Variants in TMEM245 observed in about 807,000 individuals in gnomAD.
TMEM245 encodes the protein protein CG-2.
In TMEM245, 69 loss-of-function variants were observed where a neutral mutation model predicts 101.2. The ratio of observed to expected loss-of-function variants is 0.68; its 90% CI spans 0.56 to 0.83. The LOEUF is 0.83. TMEM245 is among the 40% of genes least tolerant of loss of function. TMEM245 has a pLI of 0.00. For synonymous variants in TMEM245, 537 were observed against 449.8 expected (o/e 1.19, Z -2.45); for missense variants, 1,075 against 1,092.8 (o/e 0.98, Z 0.23).
chr9:109,112,396 CCA>C (rs1476130142), intron 1 of TMEM245, among the ~76,000 whole-genome samples: 2 of 151,764 alleles, frequency 1.3e-5, no homozygotes, highest in African/African-American at 4.8e-5. Flanking sequence ...CAAAAATTAA[CCA>C]GGTATGGTAG....
At chr9:109,064,630 T>G (rs553275433) in intron 9 of TMEM245, 63 bp from the exon 10 acceptor site, 2 of 1,383,660 alleles carry the variant, frequency 1.4e-6, no homozygotes, top group Non-Finnish European at 2.0e-6. Flanking sequence ...CCAATAATGC[T>G]TTGAACTTGA....
intron 14 of TMEM245, chr9:109,042,295 A>G (rs1197792775): frequency 1.3e-5 from 2 of 152,126 alleles, no homozygotes; most frequent in Admixed American, 1.3e-4. Flanking sequence ...TTTTTATCTT[A>G]TAATTCAGAA....
At chr9:109,056,282 CAT>C (rs1828832856) in intron 12 of TMEM245, among the ~76,000 whole-genome samples, 1 of 151,810 alleles carries the variant, frequency 6.6e-6, no homozygotes, top group Non-Finnish European at 1.5e-5. Context: ...CAGTTATGGT[CAT>C]GTATTACTTT....
intron 14 of TMEM245, chr9:109,038,576 C>T (rs1342364761): frequency 2.0e-5 from 3 of 152,804 alleles, no homozygotes; most frequent in African/African-American, 7.2e-5. Flanking sequence ...GATAGTGTAA[C>T]TTGTATTTCA....
intron 10 of TMEM245, among the ~76,000 whole-genome samples, chr9:109,061,115 A>G (rs1404638617): frequency 6.6e-6 from 1 of 152,200 alleles, no homozygotes; most frequent in East Asian, 1.9e-4. Flanking sequence ...CAGGAGTTTG[A>G]GATCAGCCTG....
chr9:109,025,389 T>C (rs968735867), intron 17 of TMEM245, among the ~76,000 whole-genome samples: 1 of 152,192 alleles, frequency 6.6e-6, no homozygotes, highest in African/African-American at 2.4e-5. Context: ...TTTTTGATTG[T>C]ACTTTCGGTA....
chr9:109,051,175 C>T (rs972667303), intron 12 of TMEM245, among the ~76,000 whole-genome samples: 1 of 151,662 alleles, frequency 6.6e-6, no homozygotes, highest in Non-Finnish European at 1.5e-5. Flanking sequence ...GCTTGTAATC[C>T]CAGCTACCTG....
intron 15 of TMEM245, among the ~76,000 whole-genome samples, chr9:109,036,682 C>A (rs757583191): frequency 6.6e-6 from 1 of 152,126 alleles, no homozygotes; most frequent in Non-Finnish European, 1.5e-5. Context: ...AGTTAATATA[C>A]GGTCCTATAA....
At chr9:109,083,111 CA>C (rs200430625) in intron 7 of TMEM245, among the ~76,000 whole-genome samples, 20 of 135,082 alleles carry the variant, frequency 1.5e-4, no homozygotes, top group East Asian at 2.1e-4. Context: ...GAAGGTCAAG[CA>C]AAAAAAAAAT....
intron 1 of TMEM245, among the ~76,000 whole-genome samples, chr9:109,114,784 A>T (rs1830667917): frequency 6.6e-6 from 1 of 152,190 alleles, no homozygotes; most frequent in Non-Finnish European, 1.5e-5. Flanking sequence ...TTTCAAATTT[A>T]CCTTGCACAG....
chr9:109,081,060 A>G (rs1829653570), intron 7 of TMEM245, 117 bp from the exon 8 acceptor site: 9 of 658,066 alleles, frequency 1.4e-5, no homozygotes, highest in African/African-American at 1.8e-5. Context: ...AAATTATGGC[A>G]TAATAATTAA....
At chr9:109,119,292 G>A in intron 1 of TMEM245, 43 bp downstream of exon 1, 1 of 1,504,488 alleles carries the variant, frequency 6.6e-7, no homozygotes, top group Non-Finnish European at 8.8e-7. Flanking sequence ...CCAGAGCGCC[G>A]GGACCACGGG....
Position 109,119,421 on chromosome 9 carries a change from G to T in TMEM245, c.493C>A (p.Leu165Ile). 1 of 1,524,702 alleles carries T rather than the reference G, an allele frequency of 6.6e-7. No individual in the cohort carries two copies. The allele number at this position is 1,524,702 out of a possible 1,614,324, so 94.4% of individuals were successfully genotyped here. ...GGPLLYGLYCLGSYLGVQVLL... is the reference protein window; with the variant it reads ...GGPLLYGLYCIGSYLGVQVLL... ...ACCTGCACGCCCAAGTAGCTGCCGA[G>T]GCAGTAGAGGCCGTACAGGAGCGGG... is the stretch of plus-strand genomic sequence containing the variant. The change falls in exon 1 of 18, where the codon CTC (leucine) becomes ATC (isoleucine). Residue 165 changes from leucine to isoleucine, a missense_variant. This residue lies in a region of TMEM245 where 808 missense variants were observed against 741.5 expected (regional missense o/e 1.09). Transcript: ENST00000374586.
intron 1 of TMEM245, among the ~76,000 whole-genome samples, chr9:109,118,859 C>T (rs1830804703): frequency 6.6e-6 from 1 of 152,182 alleles, no homozygotes; most frequent in Non-Finnish European, 1.5e-5. Flanking sequence ...CTCTTTGTCC[C>T]TAAGTAGCCC....
chr9:109,084,202 T>C (rs1005540255), intron 7 of TMEM245, among the ~76,000 whole-genome samples: 1 of 152,154 alleles, frequency 6.6e-6, no homozygotes, highest in Admixed American at 6.5e-5. Flanking sequence ...CCTAATTCAC[T>C]CCACTTGAAA....
intron 11 of TMEM245, among the ~76,000 whole-genome samples, chr9:109,059,908 TG>T (rs1176334255): frequency 6.8e-6 from 1 of 146,920 alleles, no homozygotes. Flanking sequence ...CAAAGACATA[TG>T]GAAAAAAAAT....
intron 12 of TMEM245, among the ~76,000 whole-genome samples, chr9:109,053,418 C>A (rs1200660791): frequency 6.6e-6 from 1 of 152,034 alleles, no homozygotes. Flanking sequence ...CAAAGCGAGA[C>A]TCTCTCTCTG....
intron 14 of TMEM245, among the ~76,000 whole-genome samples, chr9:109,050,055 A>G (rs1337361066): frequency 6.6e-6 from 1 of 152,120 alleles, no homozygotes; most frequent in African/African-American, 2.4e-5. Flanking sequence ...AGCAATCTCA[A>G]TTGCTGGAAT....
In TMEM245 at chr9:109,119,685, G is replaced by A. The variant is rs1830853222; in HGVS notation, c.229C>T (p.Leu77=). The change falls in exon 1 of 18, where the codon CTG becomes TTG. Residue 77 remains leucine, a synonymous_variant. Coordinates refer to ENST00000374586, the MANE Select transcript of TMEM245 (RefSeq NM_032012.4). ...CGAAVLVYFI[L]EAFLRPLLWA... ...AGCAGCGGCCGCAGGAAGGCCTCCA[G>A]GATGAAGTAGACCAGCACCGCGGCG... 2 of 1,558,384 alleles carry A rather than the reference G, an allele frequency of 1.3e-6. No individual in the cohort carries two copies. Among genetic ancestry groups the A allele is most frequent in the African/African-American group, 1.4e-5 (1 of 72,614 alleles).
Sources: allele counts gnomAD v4.1 joint callset (sites outside exome capture counted in the v4.1 genomes callset), GRCh38; gene constraint gnomAD v4.1.1; regional missense constraint gnomAD v4.1.1; transcripts MANE v1.5; gene names NCBI Gene and HGNC (gene_info 2026-07-23, HGNC 2026-07-21).